NRF1: variants seen among roughly 807,000 people sequenced by gnomAD.
The protein encoded by NRF1 is nuclear respiratory factor 1, also known as alpha palindromic-binding protein.
NRF1 carries 5 observed loss-of-function variants against 58.5 expected under a neutral mutation model. The ratio of observed to expected loss-of-function variants is 0.09; its 90% CI spans 0.04 to 0.18. NRF1 has a LOEUF of 0.18. Ranked by LOEUF, NRF1 falls within the 10% of genes least tolerant of loss-of-function variation. The pLI is 1.00. For synonymous variants in NRF1, 224 were observed against 246.7 expected (o/e 0.91, Z 0.86); for missense variants, 288 against 657.7 (o/e 0.44, Z 6.15).
chr7:129,620,967 A>G (rs959898832), intron 1 of NRF1, among the ~76,000 whole-genome samples: 1 of 152,208 alleles, frequency 6.6e-6, no homozygotes, highest in Non-Finnish European at 1.5e-5. Flanking sequence ...TATGACGATT[A>G]TGGAATACTT....
chr7:129,622,633 A>C (rs1800826437), intron 1 of NRF1, among the ~76,000 whole-genome samples: 1 of 150,228 alleles, frequency 6.7e-6, no homozygotes, highest in Non-Finnish European at 1.5e-5. Flanking sequence ...GCAGTGGCAC[A>C]ATCTTGGCTC....
At chr7:129,727,203 T>A in intron 9 of NRF1, 38 bp from the exon 10 acceptor site, 7 of 1,547,082 alleles carry the variant, frequency 4.5e-6, no homozygotes, top group Non-Finnish European at 6.1e-6. Flanking sequence ...GTGCTGTTCC[T>A]CTATTCATCA....
At chr7:129,681,052 C>T (rs2151087983) in intron 4 of NRF1, among the ~76,000 whole-genome samples, 1 of 152,230 alleles carries the variant, frequency 6.6e-6, no homozygotes, top group South Asian at 2.1e-4. Flanking sequence ...GGAGATTATT[C>T]TCGATTATCC....
intron 5 of NRF1, among the ~76,000 whole-genome samples, chr7:129,698,897 C>G (rs189063553): frequency 6.6e-6 from 1 of 152,136 alleles, no homozygotes; most frequent in Non-Finnish European, 1.5e-5. Flanking sequence ...AGACTTGGGT[C>G]CTGTAGGCAT....
rs547867971 is a variant in NRF1 at position 129,715,497 on chromosome 7, A to G, written c.1066-1722A>G. Among the ~76,000 whole-genome samples the G allele has an allele frequency of 7.9e-5, 12 of 152,350 alleles. No homozygotes were observed. The East Asian group carries it at 2.1e-3, about 27-fold the overall frequency. Reference sequence around the variant, plus strand: ...TACTAAAAAGAAAGCAGTTTTTGCTACACTTTAAAAAATTAGTTTCTGAGT... The same window carrying G: ...TACTAAAAAGAAAGCAGTTTTTGCTGCACTTTAAAAAATTAGTTTCTGAGT... On this transcript the variant is annotated intron_variant, in intron 8 of 10. Coordinates refer to ENST00000393232, the MANE Select transcript of NRF1 (RefSeq NM_005011.5).
intron 10 of NRF1, 135 bp from the exon 11 acceptor site, chr7:129,754,883 C>A: frequency 1.4e-6 from 1 of 740,460 alleles, no homozygotes; most frequent in Non-Finnish European, 2.0e-6. Flanking sequence ...GTCTTTGTGC[C>A]TGGGCCATGG....
chr7:129,729,513 T>C (rs148015331), intron 10 of NRF1, among the ~76,000 whole-genome samples: 4 of 152,356 alleles, frequency 2.6e-5, no homozygotes, highest in South Asian at 2.1e-4. Context: ...TTGGAAGTTA[T>C]CTCTTTCTGA....
intron 2 of NRF1, among the ~76,000 whole-genome samples, chr7:129,667,244 C>T (rs74455828): frequency 4.7e-4 from 72 of 152,292 alleles, no homozygotes; most frequent in African/African-American, 1.5e-3. Flanking sequence ...TTCTCACCAT[C>T]GGTGTTACCA....
At chr7:129,709,735 T>G (rs1256686306) in intron 6 of NRF1, among the ~76,000 whole-genome samples, 1 of 148,408 alleles carries the variant, frequency 6.7e-6, no homozygotes, top group African/African-American at 2.5e-5. Flanking sequence ...CTTTCTTTTT[T>G]TTTTTTTTTT....
chr7:129,612,564 T>C (rs1419065523), intron 1 of NRF1, among the ~76,000 whole-genome samples: 1 of 152,170 alleles, frequency 6.6e-6, no homozygotes, highest in African/African-American at 2.4e-5. Context: ...CATTGTGTTT[T>C]CTTCCCCAGC....
intron 1 of NRF1, among the ~76,000 whole-genome samples, chr7:129,645,751 C>T (rs1458232205): frequency 1.3e-5 from 2 of 152,138 alleles, no homozygotes; most frequent in African/African-American, 2.4e-5. Context: ...CAGATAGACT[C>T]ACAAACATAA....
At chr7:129,720,878 T>C (rs545736107) in intron 9 of NRF1, among the ~76,000 whole-genome samples, 1 of 152,080 alleles carries the variant, frequency 6.6e-6, no homozygotes, top group Non-Finnish European at 1.5e-5. Flanking sequence ...TAATTTTCAT[T>C]TTCAAAATAA....
chr7:129,739,942 A>G (rs1297617176), intron 10 of NRF1, among the ~76,000 whole-genome samples: 9 of 152,216 alleles, frequency 5.9e-5, no homozygotes, highest in Non-Finnish European at 1.3e-4. Context: ...ATGGGAGCAC[A>G]GAGCTGTTCA....
intron 1 of NRF1, among the ~76,000 whole-genome samples, chr7:129,638,798 C>CT (rs1457084073): frequency 6.6e-6 from 1 of 152,048 alleles, no homozygotes; most frequent in African/African-American, 2.4e-5. Flanking sequence ...TTAGTGATAT[C>CT]TTTTATAGAC....
chr7:129,625,853 T>G (rs1321361204), intron 1 of NRF1, among the ~76,000 whole-genome samples: 1 of 151,900 alleles, frequency 6.6e-6, no homozygotes, highest in Non-Finnish European at 1.5e-5. Context: ...GGCTAATTTT[T>G]TGGTATTTTT....
At chr7:129,649,455 T>C (rs1169667175) in intron 1 of NRF1, among the ~76,000 whole-genome samples, 5 of 152,226 alleles carry the variant, frequency 3.3e-5, no homozygotes, top group African/African-American at 1.2e-4. Flanking sequence ...TGATTAGATT[T>C]CCTGGCCTGC....
At chr7:129,622,525 G>T (rs142944363) in intron 1 of NRF1, among the ~76,000 whole-genome samples, 2 of 151,342 alleles carry the variant, frequency 1.3e-5, no homozygotes, top group African/African-American at 2.4e-5. Flanking sequence ...ACAATGCAAA[G>T]ATACTTTAAT....
chr7:129,710,585 AG>A lies in NRF1; in HGVS notation c.963+17del. 1 of 1,331,220 alleles carries A rather than the reference AG, an allele frequency of 7.5e-7. No individual in the cohort carries two copies. 82.5% of individuals were successfully genotyped at this position (1,331,220 alleles called of 1,614,324 possible). On this transcript the variant is annotated intron_variant, in intron 7 of 10. Coordinates refer to ENST00000393232, the MANE Select transcript of NRF1 (RefSeq NM_005011.5). ...TCACTTATCCAGGTGAGTAAACCTG[AG>A]GGCTACCAGACTGTGGCTTCTGAGA...
At chr7:129,693,651 C>A (rs934083689) in intron 5 of NRF1, among the ~76,000 whole-genome samples, 1 of 152,104 alleles carries the variant, frequency 6.6e-6, no homozygotes, top group Non-Finnish European at 1.5e-5. Flanking sequence ...AGATTGGACA[C>A]CCCGATCTAA....
Sources: gnomAD v4.1 joint callset for allele counts (sites outside exome capture counted in the v4.1 genomes callset) on GRCh38, gnomAD v4.1.1 for gene constraint, MANE v1.5 for transcripts, NCBI Gene and HGNC (gene_info 2026-07-23, HGNC 2026-07-21) for gene names.